The following PRDM15 variants were observed in gnomAD, a reference collection of about 807,000 sequenced individuals.
PRDM15 encodes PR domain zinc finger protein 15.
A neutral mutation model predicts 128.6 loss-of-function variants in PRDM15; 64 were observed. The observed-to-expected ratio is 0.50, with a 90% CI of 0.41 to 0.61. PRDM15 has a LOEUF of 0.61. Among genes scored for constraint, PRDM15 ranks in the 20% least tolerant of loss-of-function variants. The probability of loss-of-function intolerance (pLI) is 0.00; values close to 1 mark genes in which losing one functional copy is unlikely to be tolerated. For synonymous variants in PRDM15, 615 were observed against 621.8 expected, an observed-to-expected ratio of 0.99 and a Z score of 0.16; for missense variants, 1,242 against 1,569.1, an observed-to-expected ratio of 0.79 and a Z score of 3.52.
rs1219360522 is a variant in PRDM15 at position 41,832,419 on chromosome 21, T to C, written c.1366+3018A>G. On this transcript the variant is annotated intron_variant, in intron 11 of 23. Coordinates refer to ENST00000398548, the MANE Select transcript of PRDM15 (RefSeq NM_001040424.3). The surrounding 1 kb of genome is among the most constrained non-coding windows in gnomAD (Gnocchi z 4.2). Reference sequence around the variant, plus strand: ...CACCAGAGGCCACACCTTACAGCGCTGTGGCATCGGATCACCACAGGCCAC... The same window carrying C: ...CACCAGAGGCCACACCTTACAGCGCCGTGGCATCGGATCACCACAGGCCAC... Among the ~76,000 whole-genome samples, 2 of 151,718 alleles carry C rather than the reference T, an allele frequency of 1.3e-5. No homozygotes were observed. The highest frequency in any genetic ancestry group is 2.9e-5 in the Non-Finnish European group (2 of 67,964).
rs1008325784 is a variant in PRDM15 at position 41,859,897 on chromosome 21, G to C, written c.38-212C>G. Among the ~76,000 whole-genome samples, 1 of 152,130 alleles carries C rather than the reference G, an allele frequency of 6.6e-6. No homozygotes were observed. The highest frequency in any genetic ancestry group is 2.4e-5 in the African/African-American group (1 of 41,432). On this transcript the variant is annotated intron_variant, in intron 2 of 23. Transcript: ENST00000398548. The surrounding 1 kb of genome is among the most constrained non-coding windows in gnomAD (Gnocchi z 5.3). ...CTGTCAGCACTCGTGCACACATGAG[G>C]AGTGCAAAGGCAGGACACGCCCCCA...
At chr21:41,847,939 CAA>C (rs1442504149) in intron 5 of PRDM15, among the ~76,000 whole-genome samples, 1 of 152,190 alleles carries the variant, frequency 6.6e-6, no homozygotes, top group African/African-American at 2.4e-5. Context: ...CACCTTTTAA[CAA>C]AAAAGTCACT....
chr21:41,869,416 A>G (rs2064131947), intron 1 of PRDM15, among the ~76,000 whole-genome samples: 1 of 148,972 alleles, frequency 6.7e-6, no homozygotes, highest in South Asian at 2.1e-4. Context: ...GAGTTGTTAG[A>G]CTACAGGCAC....
chr21:41,801,301 T>G lies in PRDM15; in HGVS notation c.3365A>C (p.Gln1122Pro), dbSNP rs760560166. The change falls in exon 24 of 24, where the codon CAG (glutamine) becomes CCG (proline). Residue 1122 changes from glutamine to proline, a missense_variant. Coordinates refer to ENST00000398548, the MANE Select transcript of PRDM15 (RefSeq NM_001040424.3). ...CTGCACCTGGGGCTGGGCCGCCTGCTGTGGGGGTGCCTGCGGCTGCGAGGG... is the reference window on the plus strand; with the variant it reads ...CTGCACCTGGGGCTGGGCCGCCTGCGGTGGGGGTGCCTGCGGCTGCGAGGG... ...LPPSQPQAPP[Q>P]QAAQPQVQAE... 13 of 1,567,894 alleles carry G rather than the reference T, an allele frequency of 8.3e-6. No individual in the cohort carries two copies. The highest frequency in any genetic ancestry group is 1.8e-5 in the Admixed American group (1 of 56,348).
intron 12 of PRDM15, among the ~76,000 whole-genome samples, chr21:41,827,389 T>C (rs1302003055): frequency 6.6e-6 from 1 of 152,182 alleles, no homozygotes; most frequent in Non-Finnish European, 1.5e-5. Context: ...TGAGATAGGG[T>C]CTTGCTCTGG....
At chr21:41,874,902 T>C (rs1329428790) in intron 1 of PRDM15, 2 of 152,168 alleles carry the variant, frequency 1.3e-5, no homozygotes, top group African/African-American at 4.8e-5. Context: ...TGTAAGGGTA[T>C]GGAAGCAAGG....
intron 1 of PRDM15, chr21:41,878,833 G>C (rs1264249716): frequency 1.1e-5 from 11 of 957,870 alleles, no homozygotes; most frequent in Non-Finnish European, 1.3e-5. Context: ...CGGGGGCCGC[G>C]GGGCCGCGGG....
rs1186010234 is a variant in PRDM15, at chr21:41,821,557, G to A, written c.1897-327C>T. 6.6e-6 allele frequency among the ~76,000 whole-genome samples: 1 copy of A among 152,194 alleles called. No individual in the cohort carries two copies. The highest frequency in any genetic ancestry group is 1.5e-5 in the Non-Finnish European group (1 of 68,026). On this transcript the variant is annotated intron_variant, in intron 15 of 23. Coordinates refer to ENST00000398548, the MANE Select transcript of PRDM15 (RefSeq NM_001040424.3). The surrounding 1 kb of genome is among the most constrained non-coding windows in gnomAD (Gnocchi z 5.4). Reference sequence around the variant, plus strand: ...GGAGGAGAGAAGGGGAGGGGAAAAGGGGAGGAGAGAGGCGCCCCAGCCTGC... The same window carrying A: ...GGAGGAGAGAAGGGGAGGGGAAAAGAGGAGGAGAGAGGCGCCCCAGCCTGC...
intron 4 of PRDM15, among the ~76,000 whole-genome samples, chr21:41,856,634 G>A (rs2063643721): frequency 6.6e-6 from 1 of 152,146 alleles, no homozygotes; most frequent in African/African-American, 2.4e-5. Flanking sequence ...TCTAAAGCCT[G>A]CCTTGCAATT....
At chr21:41,865,481 A>T (rs900637808) in intron 1 of PRDM15, among the ~76,000 whole-genome samples, 2 of 151,930 alleles carry the variant, frequency 1.3e-5, no homozygotes, top group African/African-American at 2.4e-5. Context: ...CTGATAAGAG[A>T]ATCAGCCACT....
At chr21:41,871,167 C>T (rs2064194226) in intron 1 of PRDM15, among the ~76,000 whole-genome samples, 1 of 152,218 alleles carries the variant, frequency 6.6e-6, no homozygotes, top group Admixed American at 6.5e-5. Context: ...ACAGCAACCA[C>T]TCCTCACTGC....
chr21:41,804,986 G>A lies in PRDM15; in HGVS notation c.2653-372C>T, dbSNP rs185916490. ...GGTAAAGATACAGTAGAGTAAACTT[G>A]TTCTATGAGCAATCACCAAAAATGA... On this transcript the variant is annotated intron_variant, in intron 21 of 23. Transcript: ENST00000398548. 3.3e-5 allele frequency among the ~76,000 whole-genome samples: 5 copies of A among 152,332 alleles called. No individual in the cohort carries two copies. The East Asian group carries it at 9.6e-4, about 29-fold the overall frequency.
rs2062540350 is a variant in PRDM15, at chr21:41,828,211, A to G, written c.1489T>C (p.Tyr497His). Reference protein sequence around the residue: ...FACEVCSKMFYRKDVMLDHQR... With the variant: ...FACEVCSKMFHRKDVMLDHQR... ...TGGTCCAGCATGACGTCCTTGCGGT[A>G]GAACATCTTGCTGCAGACCTCACAG... The change falls in exon 12 of 24, where the codon TAC (tyrosine) becomes CAC (histidine). Residue 497 changes from tyrosine to histidine, a missense_variant. Transcript: ENST00000398548. This position sits in a 1 kb window ranked among gnomAD's most constrained non-coding sequence, Gnocchi z 5.7. The G allele has an allele frequency of 6.2e-7, 1 of 1,613,942 alleles. No homozygotes were observed. Among genetic ancestry groups the G allele is most frequent in the African/African-American group, 1.3e-5 (1 of 74,904 alleles).
chr21:41,848,379 T>C (rs751973469), intron 5 of PRDM15, among the ~76,000 whole-genome samples: 78 of 152,190 alleles, frequency 5.1e-4, no homozygotes, highest in Non-Finnish European at 9.1e-4. Context: ...TTTTTTGTCA[T>C]ACTAAAAATA....
intron 5 of PRDM15, among the ~76,000 whole-genome samples, chr21:41,851,365 T>C (rs913467031): frequency 2.6e-5 from 4 of 152,216 alleles, no homozygotes; most frequent in African/African-American, 9.6e-5. Flanking sequence ...GCAGGCAGCG[T>C]TGGGCTCCAG....
Position 41,804,384 on chromosome 21 carries a change from G to A in PRDM15, c.2733+150C>T, listed in dbSNP as rs1017084996. 2.7e-5 allele frequency: 17 copies of A among 629,040 alleles called. No individual in the cohort carries two copies. The African/African-American group carries it at 3.0e-4, about 11-fold the overall frequency. 39.0% of individuals were successfully genotyped at this position (629,040 alleles called of 1,614,324 possible). A position where few individuals can be genotyped will look rare whatever the true frequency, so the allele number is the denominator to read the frequency against. ...ACGAGGAGATGATCTAAGAGGTTCTGAGGGGAAGAGAAGCCAAGAAAACAG... is the reference window on the plus strand; with the variant it reads ...ACGAGGAGATGATCTAAGAGGTTCTAAGGGGAAGAGAAGCCAAGAAAACAG... On this transcript the variant is annotated intron_variant, in intron 22 of 23. Coordinates refer to ENST00000398548, the MANE Select transcript of PRDM15 (RefSeq NM_001040424.3).
In PRDM15 at chr21:41,859,028, C is replaced by A. The variant is rs117860551; in HGVS notation, c.131+564G>T. 8 of 1,551,136 alleles carry A rather than the reference C, an allele frequency of 5.2e-6. No homozygotes were observed. The highest frequency in any genetic ancestry group is 7.0e-6 in the Non-Finnish European group (8 of 1,147,172). On this transcript the variant is annotated intron_variant, in intron 3 of 23. Transcript: ENST00000398548. This position sits in a 1 kb window ranked among gnomAD's most constrained non-coding sequence, Gnocchi z 5.3. ...CGGAGAGGAGTGCCTTGTCCAAGCT[C>A]ACCTGCCCTGGGCCACCAGGTGGCA...
In PRDM15 at chr21:41,828,710, A is replaced by C. The variant is rs1437879659; in HGVS notation, c.1367-377T>G. On this transcript the variant is annotated intron_variant, in intron 11 of 23. Transcript: ENST00000398548. This position sits in a 1 kb window ranked among gnomAD's most constrained non-coding sequence, Gnocchi z 5.7. ...CCTCCACCCAGCATGACTGACTGACAGATAGAATGACCTACCTACCAACCA... is the reference window on the plus strand; with the variant it reads ...CCTCCACCCAGCATGACTGACTGACCGATAGAATGACCTACCTACCAACCA... Among the ~76,000 whole-genome samples, 2 of 151,802 alleles carry C rather than the reference A, an allele frequency of 1.3e-5. No homozygotes were observed. The highest frequency in any genetic ancestry group is 2.9e-5 in the Non-Finnish European group (2 of 67,958).
intron 18 of PRDM15, 50 bp from the exon 19 acceptor site, chr21:41,815,886 C>A: frequency 6.2e-7 from 1 of 1,603,374 alleles, no homozygotes; most frequent in South Asian, 1.1e-5. Flanking sequence ...CGCAGCCCAC[C>A]TGGGGGCCCA....
Sources: gnomAD v4.1 joint callset for allele counts (sites outside exome capture counted in the v4.1 genomes callset) on GRCh38, gnomAD v4.1.1 for gene constraint, Gnocchi (gnomAD v3.1) non-coding constraint, MANE v1.5 for transcripts, NCBI Gene and HGNC (gene_info 2026-07-23, HGNC 2026-07-21) for gene names.